Variants in HOMER1 observed in about 807,000 individuals in gnomAD.
HOMER1 encodes the protein homer scaffold protein 1, also known as homer protein homolog 1.
A neutral mutation model predicts 48.9 loss-of-function variants in HOMER1; 3 were observed. The observed-to-expected ratio is 0.06, with a 90% CI of 0.03 to 0.16. The LOEUF is 0.16. Among genes scored for constraint, HOMER1 ranks in the 10% least tolerant of loss-of-function variants. The probability of loss-of-function intolerance (pLI) is 1.00; values close to 1 mark genes in which losing one functional copy is unlikely to be tolerated. For synonymous variants in HOMER1, 134 were observed against 146.4 expected (o/e 0.92, Z 0.61); for missense variants, 247 against 411.4 (o/e 0.60, Z 3.46).
chr5:79,473,491 T>G (rs1416026045), intron 1 of HOMER1, among the ~76,000 whole-genome samples: 1 of 152,202 alleles, frequency 6.6e-6, no homozygotes, highest in Non-Finnish European at 1.5e-5. Flanking sequence ...TGGATTATAT[T>G]AATATTAGAA....
At chr5:79,414,241 T>A (rs1164404153) in intron 5 of HOMER1, among the ~76,000 whole-genome samples, 3 of 141,922 alleles carry the variant, frequency 2.1e-5, no homozygotes, top group African/African-American at 8.6e-5. Flanking sequence ...CAACCATACC[T>A]GGCTAATTTT....
chr5:79,474,117 C>A (rs2112330030), intron 1 of HOMER1, among the ~76,000 whole-genome samples: 1 of 151,992 alleles, frequency 6.6e-6, no homozygotes, highest in Non-Finnish European at 1.5e-5. Flanking sequence ...TAGCTCACTG[C>A]AGCCCCAAAC....
intron 1 of HOMER1, among the ~76,000 whole-genome samples, chr5:79,502,085 T>C (rs1331235780): frequency 6.8e-6 from 1 of 147,566 alleles, no homozygotes; most frequent in Non-Finnish European, 1.5e-5. Flanking sequence ...AGTGGCGCGA[T>C]CTTGGCTCAC....
rs769501835 is a variant in HOMER1, at chr5:79,396,886, T to C, written c.813A>G (p.Lys271=). The stretch of plus-strand genomic sequence containing the variant: ...GTTCTCTGGCATTATCAATTTCTTG[T>C]TTTAACCTTTCTATTTCCTAGAAAA... ...KLKEEEIERL[K]QEIDNARELQ... Residue 271 remains lysine (K), a synonymous_variant, in exon 8 of 9, where the codon AAA becomes AAG. Coordinates refer to ENST00000334082, the MANE Select transcript of HOMER1 (RefSeq NM_004272.5). 3.1e-6 allele frequency: 5 copies of C among 1,594,986 alleles called. No homozygotes were observed. Among genetic ancestry groups the C allele is most frequent in the Non-Finnish European group, 4.3e-6 (5 of 1,164,924 alleles).
chr5:79,441,000 T>C (rs1247707570), intron 4 of HOMER1, among the ~76,000 whole-genome samples: 2 of 151,574 alleles, frequency 1.3e-5, no homozygotes, highest in Non-Finnish European at 2.9e-5. Flanking sequence ...TCTACAAAAA[T>C]ACAAACAAAA....
intron 8 of HOMER1, among the ~76,000 whole-genome samples, chr5:79,382,681 T>C (rs985755811): frequency 4.6e-5 from 7 of 152,254 alleles, no homozygotes; most frequent in East Asian, 1.9e-4. Flanking sequence ...AGTCTGGAAA[T>C]GAAAGGATGA....
At chr5:79,410,744 C>T (rs1039833184) in intron 5 of HOMER1, among the ~76,000 whole-genome samples, 9 of 151,866 alleles carry the variant, frequency 5.9e-5, no homozygotes, top group African/African-American at 1.7e-4. Flanking sequence ...TAAGATATCA[C>T]ATTTCTCCTC....
At chr5:79,409,019 T>C (rs2112230546) in intron 5 of HOMER1, among the ~76,000 whole-genome samples, 1 of 140,002 alleles carries the variant, frequency 7.1e-6, no homozygotes, top group Admixed American at 7.6e-5. Context: ...GAGGCAGAGG[T>C]TGCAGTGAGC....
intron 1 of HOMER1, among the ~76,000 whole-genome samples, chr5:79,505,552 A>G (rs1011330197): frequency 6.6e-6 from 1 of 152,206 alleles, no homozygotes; most frequent in African/African-American, 2.4e-5. Context: ...CCTTGAGGAC[A>G]TGGTGCCAAC....
chr5:79,438,922 C>G, intron 5 of HOMER1, 88 bp downstream of exon 5: 1 of 1,050,228 alleles, frequency 9.5e-7, no homozygotes, highest in Non-Finnish European at 1.4e-6. Flanking sequence ...AGTTTTCACT[C>G]AAAGCTTGTA....
intron 1 of HOMER1, among the ~76,000 whole-genome samples, chr5:79,501,197 G>A (rs1329838978): frequency 6.6e-6 from 1 of 150,978 alleles, no homozygotes; most frequent in Non-Finnish European, 1.5e-5. Flanking sequence ...TCTCGAACTG[G>A]TAAGCTCAAG....
chr5:79,429,805 C>T (rs1202022087), intron 5 of HOMER1, among the ~76,000 whole-genome samples: 3 of 152,230 alleles, frequency 2.0e-5, no homozygotes, highest in South Asian at 2.1e-4. Context: ...AGGTGGATCA[C>T]GAGGTCAGGA....
chr5:79,489,165 C>T (rs916505219), intron 1 of HOMER1, among the ~76,000 whole-genome samples: 25 of 152,058 alleles, frequency 1.6e-4, no homozygotes, highest in African/African-American at 5.3e-4. Context: ...GTAATAAATG[C>T]CATGGGGAGG....
intron 1 of HOMER1, among the ~76,000 whole-genome samples, chr5:79,506,121 TTTA>T (rs200951954): frequency 0.24 from 36,806 of 151,288 alleles, 4,885 homozygotes; most frequent in African/African-American, 0.36. Flanking sequence ...TATTTATTTA[TTTA>T]TTTTTTTGAG....
At chr5:79,416,663 C>T (rs1354931978) in intron 5 of HOMER1, among the ~76,000 whole-genome samples, 1 of 152,194 alleles carries the variant, frequency 6.6e-6, no homozygotes, top group Admixed American at 6.5e-5. Flanking sequence ...ACAGTGCCTT[C>T]TGTAGTCTTT....
At chr5:79,504,730 T>A (rs889350376) in intron 1 of HOMER1, among the ~76,000 whole-genome samples, 3 of 152,140 alleles carry the variant, frequency 2.0e-5, no homozygotes, top group Non-Finnish European at 4.4e-5. Flanking sequence ...TACTTAAGAT[T>A]GAGATATACG....
intron 8 of HOMER1, among the ~76,000 whole-genome samples, chr5:79,393,679 A>G (rs1749309187): frequency 6.6e-6 from 1 of 152,304 alleles, no homozygotes; most frequent in East Asian, 1.9e-4. Flanking sequence ...CTTGTTTGAA[A>G]GTTTATCTTA....
intron 2 of HOMER1, among the ~76,000 whole-genome samples, chr5:79,454,141 C>A (rs1356356733): frequency 6.6e-6 from 1 of 152,106 alleles, no homozygotes; most frequent in Non-Finnish European, 1.5e-5. Context: ...GTGGGAAGAA[C>A]ACATGAGGAT....
Position 79,376,067 on chromosome 5 carries a change from T to C in HOMER1, c.1007A>G (p.Lys336Arg). 6.2e-7 allele frequency: 1 copy of C among 1,613,666 alleles called. No individual in the cohort carries two copies. The highest frequency in any genetic ancestry group is 1.1e-5 in the South Asian group (1 of 90,986). The change falls in exon 9 of 9, where the codon AAG becomes AGG. Residue 336 changes from lysine (K) to arginine (R), a missense_variant. Lys to Arg is a conservative substitution (Grantham distance 26). This residue lies in a region of HOMER1 where 113 missense variants were observed against 152.5 expected (regional missense o/e 0.74). Coordinates refer to ENST00000334082, the MANE Select transcript of HOMER1 (RefSeq NM_004272.5). ...LKTLLEILDG[K>R]IFELTELRDN... ...TCGTAATTCTGTTAGTTCAAATATCTTTCCATCCAGAATTTCTAAGAGTGT... is the reference window on the plus strand; with the variant it reads ...TCGTAATTCTGTTAGTTCAAATATCCTTCCATCCAGAATTTCTAAGAGTGT...
Sources: allele counts gnomAD v4.1 joint callset (sites outside exome capture counted in the v4.1 genomes callset), GRCh38; gene constraint gnomAD v4.1.1; regional missense constraint gnomAD v4.1.1; transcripts MANE v1.5; gene names NCBI Gene and HGNC (gene_info 2026-07-23, HGNC 2026-07-21).